RWDD3: variants seen among roughly 807,000 people sequenced by gnomAD.
RWDD3 encodes RWD domain-containing protein 3.
In RWDD3, 30 loss-of-function variants were observed where a neutral mutation model predicts 26.5. The observed-to-expected ratio is 1.13, with a 90% CI of 0.85 to 1.54. The LOEUF (loss-of-function observed/expected upper bound fraction) is 1.54. RWDD3 is among the 40% of genes most tolerant of loss of function. The pLI is 0.00. For missense variants in RWDD3, 296 were observed against 309.1 expected, an observed-to-expected ratio of 0.96 and a Z score of 0.32; for synonymous variants, 113 against 114.5, an observed-to-expected ratio of 0.99 and a Z score of 0.09.
intron 1 of RWDD3, among the ~76,000 whole-genome samples, chr1:95,237,888 G>T (rs1160318): frequency 0.3 from 46,269 of 152,122 alleles, 7,336 homozygotes; most frequent in East Asian, 0.45. Flanking sequence ...ATAGAGAGAT[G>T]GGGCTGTTGC....
At position 95,246,569 on chromosome 1, in the gene RWDD3, A is replaced by G. The variant is rs1384177427; in HGVS notation, c.601A>G (p.Lys201Glu). 1 of 1,611,106 alleles carries G rather than the reference A, an allele frequency of 6.2e-7. No homozygotes were observed. Among genetic ancestry groups the G allele is most frequent in the Non-Finnish European group, 8.5e-7 (1 of 1,177,930 alleles). Reference protein sequence around the residue: ...KEYLILQKTSKVDVDSSGKKC... With the variant: ...KEYLILQKTSEVDVDSSGKKC... Reference sequence around the variant, plus strand: ...GTACTTGATTCTTCAGAAAACCTCCAAAGTAGATGTGGACTCAAGTGGAAA... The same window carrying G: ...GTACTTGATTCTTCAGAAAACCTCCGAAGTAGATGTGGACTCAAGTGGAAA... The change falls in exon 3 of 4, where the codon AAA becomes GAA. Residue 201 changes from lysine (K) to glutamate (E), a missense_variant. By Grantham distance (56) the Lys-to-Glu change is moderately conservative (BLOSUM62 1). Transcript: ENST00000370202.
In RWDD3 at chr1:95,234,230, C is replaced by T. The variant is rs1680177627; in HGVS notation, c.-1C>T. 1.4e-5 allele frequency: 22 copies of T among 1,585,596 alleles called. No homozygotes were observed. The highest frequency in any genetic ancestry group is 1.8e-5 in the Non-Finnish European group (21 of 1,166,566). On this transcript the variant is annotated 5_prime_UTR_variant, in exon 1 of 4. Coordinates refer to ENST00000370202, the MANE Select transcript of RWDD3 (RefSeq NM_015485.5). ...GCGCTGAGGCGGTGGGGCCCACAGC[C>T]ATGGCGGAGCCTGTGCAGGAGGAGC...
At chr1:95,239,450 T>G (rs1298501318) in intron 1 of RWDD3, among the ~76,000 whole-genome samples, 18 of 152,196 alleles carry the variant, frequency 1.2e-4, no homozygotes, top group Non-Finnish European at 4.4e-5. Context: ...CAATACATAC[T>G]TCTAGAGTTT....
rs1204694879 is a variant in RWDD3 at position 95,247,159 on chromosome 1, A to G, written c.*289A>G. The G allele has an allele frequency of 5.2e-6, 1 of 191,506 alleles. No individual in the cohort carries two copies. The highest frequency in any genetic ancestry group is 1.1e-5 in the Non-Finnish European group (1 of 94,628). 11.9% of individuals were successfully genotyped at this position (191,506 alleles called of 1,614,324 possible). On this transcript the variant is annotated 3_prime_UTR_variant, in exon 4 of 4. Coordinates refer to ENST00000370202, the MANE Select transcript of RWDD3 (RefSeq NM_015485.5). ...AAATGAACACTTGTTTTTATAGACA[A>G]TATTTGTTTGAAACTATGTAATTTT... is the stretch of plus-strand genomic sequence containing the variant.
At chr1:95,245,595 C>T (rs555816710) in intron 2 of RWDD3, among the ~76,000 whole-genome samples, 1 of 152,214 alleles carries the variant, frequency 6.6e-6, no homozygotes, top group South Asian at 2.1e-4. Flanking sequence ...CAGACTCATG[C>T]TGGGTTAAAG....
intron 1 of RWDD3, among the ~76,000 whole-genome samples, chr1:95,243,910 T>C (rs1680736594): frequency 1.3e-5 from 2 of 152,188 alleles, no homozygotes; most frequent in Non-Finnish European, 1.5e-5. Context: ...TAAATCTGGC[T>C]AGAAAAAAAA....
intron 1 of RWDD3, among the ~76,000 whole-genome samples, chr1:95,240,562 A>G (rs1271893980): frequency 6.6e-6 from 1 of 152,286 alleles, no homozygotes; most frequent in Non-Finnish European, 1.5e-5. Context: ...CAGAGATGGG[A>G]CACCCAAGAC....
chr1:95,234,220 G>GGCCCACAGCCATGGCGGA lies in RWDD3; in HGVS notation c.-7_11dup. On this transcript the variant is annotated 5_prime_UTR_variant, in exon 1 of 4. The change creates a new upstream start codon in the 5' untranslated region. Coordinates refer to ENST00000370202, the MANE Select transcript of RWDD3 (RefSeq NM_015485.5). ...GGAAGGGGAAGCGCTGAGGCGGTGG[G>GGCCCACAGCCATGGCGGA]GCCCACAGCCATGGCGGAGCCTGTG... 1 of 1,578,580 alleles carries GGCCCACAGCCATGGCGGA rather than the reference G, an allele frequency of 6.3e-7. No homozygotes were observed. The highest frequency in any genetic ancestry group is 8.6e-7 in the Non-Finnish European group (1 of 1,163,148).
At chr1:95,241,407 G>A (rs1354421958) in intron 1 of RWDD3, among the ~76,000 whole-genome samples, 1 of 152,146 alleles carries the variant, frequency 6.6e-6, no homozygotes, top group East Asian at 1.9e-4. Context: ...CACTCAGTGG[G>A]TCTTTGTTAT....
At chr1:95,243,029 A>G (rs1191723467) in intron 1 of RWDD3, 1 of 152,218 alleles carries the variant, frequency 6.6e-6, no homozygotes, top group Non-Finnish European at 1.5e-5. Flanking sequence ...TATGAAATAC[A>G]CATATAAATT....
intron 1 of RWDD3, among the ~76,000 whole-genome samples, chr1:95,235,619 A>G (rs1680306518): frequency 6.6e-6 from 1 of 151,858 alleles, no homozygotes; most frequent in African/African-American, 2.4e-5. Context: ...CGGCCTCCCA[A>G]GGTGCTGGGA....
intron 1 of RWDD3, among the ~76,000 whole-genome samples, chr1:95,238,620 GAAA>G (rs36084036): frequency 6.6e-6 from 1 of 150,490 alleles, no homozygotes; most frequent in South Asian, 2.1e-4. Context: ...CAATTGCAAA[GAAA>G]AAAAACACAA....
intron 1 of RWDD3, among the ~76,000 whole-genome samples, chr1:95,239,462 T>C (rs71588550): frequency 6.6e-6 from 1 of 152,192 alleles, no homozygotes; most frequent in Admixed American, 6.5e-5. Context: ...CTAGAGTTTT[T>C]GGGAGAAAAT....
At chr1:95,235,237 A>G (rs1252717602) in intron 1 of RWDD3, among the ~76,000 whole-genome samples, 4 of 143,102 alleles carry the variant, frequency 2.8e-5, no homozygotes, top group South Asian at 2.3e-4. Context: ...TTTTTTTAGT[A>G]GAGACAGGGT....
At chr1:95,243,768 T>G (rs1368193938) in intron 1 of RWDD3, among the ~76,000 whole-genome samples, 1 of 152,246 alleles carries the variant, frequency 6.6e-6, no homozygotes, top group Non-Finnish European at 1.5e-5. Context: ...TGCTTTGACT[T>G]GGACTTCTCA....
At chr1:95,234,452 G>A (rs1001816918) in intron 1 of RWDD3, 137 bp downstream of exon 1, 2 of 772,810 alleles carry the variant, frequency 2.6e-6, no homozygotes, top group Non-Finnish European at 4.2e-6. Context: ...ATGATGGAAT[G>A]ACACGCCCGG....
Position 95,238,381 on chromosome 1 carries a change from G to A in RWDD3, c.85+4066G>A, listed in dbSNP as rs141900938. On this transcript the variant is annotated intron_variant, in intron 1 of 3. Transcript: ENST00000370202. ...GTATTGAGCTGACTTCTATAAAACC[G>A]ATGAGATTGCTACTTTTAGCTTCAT... is the stretch of plus-strand genomic sequence containing the variant. Among the ~76,000 whole-genome samples the A allele has an allele frequency of 2.6e-5, 4 of 151,982 alleles. No individual in the cohort carries two copies. In the East Asian group the frequency reaches 5.8e-4, roughly 22 times the overall value.
chr1:95,241,016 C>T (rs1680596179), intron 1 of RWDD3, among the ~76,000 whole-genome samples: 1 of 151,828 alleles, frequency 6.6e-6, no homozygotes, highest in Non-Finnish European at 1.5e-5. Flanking sequence ...CTGCTGCACT[C>T]TAGCATGGGT....
intron 1 of RWDD3, among the ~76,000 whole-genome samples, chr1:95,236,521 G>A (rs1046262353): frequency 1.9e-4 from 29 of 152,140 alleles, no homozygotes; most frequent in African/African-American, 6.8e-4. Flanking sequence ...CAGGCACTAT[G>A]CACCTATTAG....
Sources: gnomAD v4.1 joint callset for allele counts (sites outside exome capture counted in the v4.1 genomes callset) on GRCh38, gnomAD v4.1.1 for gene constraint, MANE v1.5 for transcripts, NCBI Gene and HGNC (gene_info 2026-07-23, HGNC 2026-07-21) for gene names.